TAFA5: variants seen among roughly 807,000 people sequenced by gnomAD.
TAFA5 encodes the protein TAFA chemokine like family member 5.
In TAFA5, 6 loss-of-function variants were observed where a neutral mutation model predicts 15.3. The ratio of observed to expected loss-of-function variants is 0.39; its 90% CI spans 0.21 to 0.77. TAFA5 has a LOEUF of 0.77. TAFA5 is among the 30% of genes least tolerant of loss of function. The pLI, the probability that TAFA5 is intolerant of heterozygous loss-of-function variation, is 0.41. For synonymous variants in TAFA5, 103 were observed against 80.7 expected, an observed-to-expected ratio of 1.28 and a Z score of -1.48; for missense variants, 161 against 193.1, an observed-to-expected ratio of 0.83 and a Z score of 0.98.
chr22:48,539,816 G>T (rs1261407084), intron 1 of TAFA5, among the ~76,000 whole-genome samples: 2 of 152,232 alleles, frequency 1.3e-5, no homozygotes, highest in African/African-American at 2.4e-5. Context: ...TGATACGTCG[G>T]CTGAGAACTG....
In TAFA5 at chr22:48,694,815, CG is replaced by C. The variant is rs1928656901; in HGVS notation, c.263-12901del. 9.3e-5 allele frequency among the ~76,000 whole-genome samples: 4 copies of C among 42,862 alleles called. 1 individual carries two copies. The Admixed American group carries it at 9.8e-4, about 10-fold the overall frequency. 28.1% of individuals were successfully genotyped at this position (42,862 alleles called of 152,430 possible). A position where few individuals can be genotyped will look rare whatever the true frequency, so the allele number is the denominator to read the frequency against. ...ACCGCTCCAGACCTCCGCCCCCACC[CG>C]CCGCCGCTCCGACCTCCGCCCCCAC... On this transcript the variant is annotated intron_variant, in intron 2 of 3. Transcript: ENST00000402357.
intron 1 of TAFA5, among the ~76,000 whole-genome samples, chr22:48,639,093 A>G (rs995425030): frequency 7.9e-5 from 12 of 152,196 alleles, no homozygotes; most frequent in Admixed American, 6.5e-4. Context: ...GTGCCCATGC[A>G]GGTGGGCAGG....
At chr22:48,564,043 C>T (rs978566831) in intron 1 of TAFA5, among the ~76,000 whole-genome samples, 5 of 152,202 alleles carry the variant, frequency 3.3e-5, no homozygotes, top group Non-Finnish European at 4.4e-5. Context: ...GACCCTAAGC[C>T]GAGGCCTGGC....
chr22:48,544,662 A>G (rs1367253801), intron 1 of TAFA5: 7 of 470,830 alleles, frequency 1.5e-5, no homozygotes, highest in Non-Finnish European at 1.3e-5. Flanking sequence ...GATGTGCACT[A>G]AGCACTCACT....
chr22:48,548,274 G>A (rs565839774), intron 1 of TAFA5, among the ~76,000 whole-genome samples: 166 of 152,320 alleles, frequency 1.1e-3, no homozygotes, highest in African/African-American at 3.7e-3. Flanking sequence ...GAAATGCCAT[G>A]TGCAGCTGCA....
chr22:48,744,094 C>T (rs1447106879), intron 3 of TAFA5, among the ~76,000 whole-genome samples: 4 of 152,250 alleles, frequency 2.6e-5, no homozygotes, highest in Non-Finnish European at 5.9e-5. Flanking sequence ...GAACCCTGCA[C>T]TTGTGCAGCC....
chr22:48,631,638 A>G (rs1187941185), intron 1 of TAFA5, among the ~76,000 whole-genome samples: 1 of 152,210 alleles, frequency 6.6e-6, no homozygotes, highest in African/African-American at 2.4e-5. Context: ...TGTTAACTGC[A>G]GAAGAAATTA....
chr22:48,562,927 C>T (rs923508435), intron 1 of TAFA5, among the ~76,000 whole-genome samples: 17 of 152,052 alleles, frequency 1.1e-4, no homozygotes, highest in Middle Eastern at 3.4e-3. Context: ...CCCGGGATGC[C>T]CGTCTGTGCG....
At chr22:48,710,624 G>A (rs79797) in intron 3 of TAFA5, among the ~76,000 whole-genome samples, 105,815 of 152,146 alleles carry the variant, frequency 0.7, 37,003 homozygotes, top group Middle Eastern at 0.72. Flanking sequence ...GGTGCTCACC[G>A]TGTCAGCTCA....
At chr22:48,639,619 AT>A (rs1926600904) in intron 1 of TAFA5, among the ~76,000 whole-genome samples, 2 of 151,946 alleles carry the variant, frequency 1.3e-5, no homozygotes, top group Admixed American at 1.3e-4. Context: ...CCTGGGCCTG[AT>A]CTATGCCCAC....
intron 1 of TAFA5, among the ~76,000 whole-genome samples, chr22:48,609,443 C>A (rs28546708): frequency 0.14 from 21,183 of 151,934 alleles, 1,660 homozygotes; most frequent in African/African-American, 0.21. Flanking sequence ...TGGTGTGAGA[C>A]CTGTGGCATC....
chr22:48,611,069 G>A (rs1296669827), intron 1 of TAFA5, among the ~76,000 whole-genome samples: 1 of 152,074 alleles, frequency 6.6e-6, no homozygotes, highest in Non-Finnish European at 1.5e-5. Flanking sequence ...TAGTAGCTGG[G>A]ATTACAGGTG....
At chr22:48,683,897 C>T (rs889329966) in intron 2 of TAFA5, among the ~76,000 whole-genome samples, 1 of 152,174 alleles carries the variant, frequency 6.6e-6, no homozygotes, top group Non-Finnish European at 1.5e-5. Flanking sequence ...GTTGCCGGCT[C>T]TCCCTCCTGC....
chr22:48,718,485 A>C (rs1279617259), intron 3 of TAFA5, among the ~76,000 whole-genome samples: 1 of 152,086 alleles, frequency 6.6e-6, no homozygotes, highest in Non-Finnish European at 1.5e-5. Flanking sequence ...TGGGCCTGGC[A>C]GACCTGTGTG....
At chr22:48,551,237 G>A (rs1047513368) in intron 1 of TAFA5, among the ~76,000 whole-genome samples, 7 of 152,134 alleles carry the variant, frequency 4.6e-5, no homozygotes, top group Admixed American at 1.3e-4. Context: ...GGCTGGGCCT[G>A]CAGCACCCTG....
chr22:48,744,714 G>A (rs1235515559), intron 3 of TAFA5, among the ~76,000 whole-genome samples: 1 of 152,158 alleles, frequency 6.6e-6, no homozygotes, highest in Non-Finnish European at 1.5e-5. Context: ...CTTTTTCTCT[G>A]TGCTTCCGCA....
chr22:48,617,189 C>T (rs966291870), intron 1 of TAFA5, among the ~76,000 whole-genome samples: 4 of 149,312 alleles, frequency 2.7e-5, no homozygotes, highest in East Asian at 1.9e-4. Flanking sequence ...GGCGTGACTG[C>T]GGCTTATCCA....
intron 1 of TAFA5, among the ~76,000 whole-genome samples, chr22:48,568,170 C>G (rs1283653135): frequency 6.6e-6 from 1 of 152,270 alleles, no homozygotes; most frequent in East Asian, 1.9e-4. Flanking sequence ...AGACTGCGGC[C>G]TCAGCCATCC....
chr22:48,685,146 T>A (rs146424424), intron 2 of TAFA5, among the ~76,000 whole-genome samples: 21 of 152,326 alleles, frequency 1.4e-4, no homozygotes, highest in African/African-American at 5.1e-4. Context: ...ATTCAGAGAT[T>A]TCCTGATTGG....
Sources: allele counts gnomAD v4.1 joint callset (sites outside exome capture counted in the v4.1 genomes callset), GRCh38; gene constraint gnomAD v4.1.1; transcripts MANE v1.5; gene names NCBI Gene and HGNC (gene_info 2026-07-23, HGNC 2026-07-21).